WWOX: variants seen among roughly 807,000 people sequenced by gnomAD.
WWOX encodes the protein WW domain containing oxidoreductase.
WWOX carries 69 observed loss-of-function variants against 46.2 expected under a neutral mutation model. The ratio of observed to expected loss-of-function variants is 1.49; its 90% CI spans 1.23 to 1.82. The LOEUF (loss-of-function observed/expected upper bound fraction) is 1.82, where lower values mean the gene tolerates loss of function less well. WWOX is among the 40% of genes most tolerant of loss of function. The pLI is 0.00. For missense variants in WWOX, 919 were observed against 542.6 expected, an observed-to-expected ratio of 1.69 and a Z score of -6.89; for synonymous variants, 359 against 202.6, an observed-to-expected ratio of 1.77 and a Z score of -6.56.
chr16:78,392,701 G>A (rs962213739), intron 6 of WWOX, among the ~76,000 whole-genome samples: 1 of 152,142 alleles, frequency 6.6e-6, no homozygotes, highest in Non-Finnish European at 1.5e-5. Context: ...GATAACTCAA[G>A]AGACTCAATC....
At chr16:78,750,028 A>C (rs1486535629) in intron 8 of WWOX, among the ~76,000 whole-genome samples, 1 of 152,132 alleles carries the variant, frequency 6.6e-6, no homozygotes, top group Non-Finnish European at 1.5e-5. Context: ...TAGTAGATAG[A>C]CTCTATCAGG....
chr16:78,365,186 G>C (rs1251157893), intron 5 of WWOX, among the ~76,000 whole-genome samples: 1 of 152,206 alleles, frequency 6.6e-6, no homozygotes, highest in East Asian at 1.9e-4. Context: ...TTAATGCAAA[G>C]TGCCCAGTTT....
At chr16:78,581,822 T>A (rs1356022136) in intron 8 of WWOX, among the ~76,000 whole-genome samples, 1 of 152,198 alleles carries the variant, frequency 6.6e-6, no homozygotes, top group Non-Finnish European at 1.5e-5. Context: ...GTAGTGTAAG[T>A]TGATTTCATA....
chr16:78,178,136 A>G (rs914470993), intron 5 of WWOX, among the ~76,000 whole-genome samples: 2 of 152,164 alleles, frequency 1.3e-5, no homozygotes, highest in African/African-American at 2.4e-5. Context: ...AGCTCTTCAT[A>G]ATTATACCCG....
chr16:78,553,672 C>T (rs571648579), intron 8 of WWOX, among the ~76,000 whole-genome samples: 1 of 152,202 alleles, frequency 6.6e-6, no homozygotes, highest in African/African-American at 2.4e-5. Flanking sequence ...ATACACGGCT[C>T]AAAGTTGACC....
At chr16:78,564,922 C>G (rs956052521) in intron 8 of WWOX, among the ~76,000 whole-genome samples, 3 of 152,010 alleles carry the variant, frequency 2.0e-5, no homozygotes, top group Admixed American at 2.0e-4. Context: ...TTGTATTTAT[C>G]CATGCCATCT....
At chr16:79,201,729 G>GTT (rs5818211) in intron 8 of WWOX, among the ~76,000 whole-genome samples, 44 of 151,190 alleles carry the variant, frequency 2.9e-4, no homozygotes, top group East Asian at 9.8e-4. Context: ...CTTTTTTCCT[G>GTT]TTTTTTTTCA....
intron 8 of WWOX, among the ~76,000 whole-genome samples, chr16:79,083,077 T>G (rs1447700915): frequency 6.6e-6 from 1 of 152,186 alleles, no homozygotes; most frequent in Non-Finnish European, 1.5e-5. Context: ...ACTGTAAATC[T>G]AGACAAGATA....
chr16:78,971,832 A>G (rs760799741), intron 8 of WWOX, among the ~76,000 whole-genome samples: 1 of 152,100 alleles, frequency 6.6e-6, no homozygotes, highest in Non-Finnish European at 1.5e-5. Flanking sequence ...GAGAACACTA[A>G]CAAGAGAAAG....
intron 8 of WWOX, among the ~76,000 whole-genome samples, chr16:78,601,441 G>GAA (rs58096899): frequency 0.074 from 10,583 of 143,814 alleles, 471 homozygotes; most frequent in South Asian, 0.09. Flanking sequence ...CCAGCAGAGA[G>GAA]AAAAAAAAAA....
chr16:78,112,886 T>G (rs1441472657), intron 3 of WWOX, among the ~76,000 whole-genome samples: 1 of 151,910 alleles, frequency 6.6e-6, no homozygotes, highest in African/African-American at 2.4e-5. Context: ...ACTTTTTTTT[T>G]GTAGAGACTG....
intron 8 of WWOX, among the ~76,000 whole-genome samples, chr16:78,840,773 G>GT (rs1265385096): frequency 1.3e-5 from 2 of 151,450 alleles, no homozygotes. Context: ...TATATATGTG[G>GT]TTTTTTCAAA....
intron 8 of WWOX, among the ~76,000 whole-genome samples, chr16:78,937,728 G>A (rs545692254): frequency 2.1e-3 from 323 of 151,868 alleles, no homozygotes; most frequent in African/African-American, 7.4e-3. Context: ...GGGTTGAAGC[G>A]ATTCTCCTGC....
At chr16:78,667,670 CAAAAAAAAAA>C (rs35375082) in intron 8 of WWOX, among the ~76,000 whole-genome samples, 2 of 61,306 alleles carry the variant, frequency 3.3e-5, no homozygotes, top group South Asian at 1.4e-3. Context: ...GACTCCGTCT[CAAAAAAAAAA>C]AAAAAAAAAA....
intron 8 of WWOX, among the ~76,000 whole-genome samples, chr16:78,660,784 A>T (rs2047191710): frequency 6.6e-6 from 1 of 152,218 alleles, no homozygotes; most frequent in African/African-American, 2.4e-5. Context: ...TGCATTTAGC[A>T]TCAGTTGCAG....
At chr16:78,122,266 G>T (rs2033133266) in intron 4 of WWOX, among the ~76,000 whole-genome samples, 1 of 152,188 alleles carries the variant, frequency 6.6e-6, no homozygotes, top group Non-Finnish European at 1.5e-5. Flanking sequence ...CTGTCAGTGT[G>T]AACCTGATTA....
intron 8 of WWOX, among the ~76,000 whole-genome samples, chr16:78,610,974 C>T (rs760721445): frequency 6.6e-6 from 1 of 151,990 alleles, no homozygotes; most frequent in Non-Finnish European, 1.5e-5. Flanking sequence ...TTAAAAACAA[C>T]AAAAACAACA....
intron 8 of WWOX, among the ~76,000 whole-genome samples, chr16:78,549,003 T>G (rs2044114489): frequency 6.6e-6 from 1 of 152,232 alleles, no homozygotes; most frequent in South Asian, 2.1e-4. Flanking sequence ...ATATAATTCA[T>G]GCTTTTAAAC....
intron 8 of WWOX, among the ~76,000 whole-genome samples, chr16:78,481,231 A>G (rs1037093869): frequency 6.6e-6 from 1 of 152,200 alleles, no homozygotes; most frequent in African/African-American, 2.4e-5. Flanking sequence ...TAATTTTTCT[A>G]ACTGATGAAA....
Sources: gnomAD v4.1 joint callset for allele counts (sites outside exome capture counted in the v4.1 genomes callset) on GRCh38, gnomAD v4.1.1 for gene constraint, MANE v1.5 for transcripts, NCBI Gene and HGNC (gene_info 2026-07-23, HGNC 2026-07-21) for gene names.